PDE4D: variants seen among roughly 807,000 people sequenced by gnomAD.
The protein encoded by PDE4D is phosphodiesterase 4D, also known as 3',5'-cyclic-AMP phosphodiesterase 4D.
In PDE4D, 24 loss-of-function variants were observed where a neutral mutation model predicts 87.4. The observed-to-expected ratio is 0.27, with a 90% CI of 0.20 to 0.39. PDE4D has a LOEUF of 0.39. PDE4D is among the 10% of genes least tolerant of loss of function. The pLI is 1.00. For synonymous variants in PDE4D, 384 were observed against 383.2 expected (o/e 1.00, Z -0.02); for missense variants, 714 against 1,041.0 (o/e 0.69, Z 4.32).
intron 2 of PDE4D, among the ~76,000 whole-genome samples, chr5:60,125,077 T>G: frequency 6.6e-6 from 1 of 152,182 alleles, no homozygotes; most frequent in Non-Finnish European, 1.5e-5. Flanking sequence ...TATTTATCTA[T>G]GGTAACTCCT....
chr5:59,177,913 C>A (rs1425788146), intron 5 of PDE4D, among the ~76,000 whole-genome samples: 3 of 152,072 alleles, frequency 2.0e-5, no homozygotes, highest in Non-Finnish European at 4.4e-5. Context: ...CAACAGGGAC[C>A]CATTCATCTT....
intron 1 of PDE4D, among the ~76,000 whole-genome samples, chr5:59,362,768 A>G (rs1241641314): frequency 6.6e-6 from 1 of 152,230 alleles, no homozygotes; most frequent in Non-Finnish European, 1.5e-5. Context: ...CTTACAAATA[A>G]GCAAAAGCAG....
chr5:60,198,923 T>C (rs1741600000), intron 1 of PDE4D, among the ~76,000 whole-genome samples: 1 of 151,740 alleles, frequency 6.6e-6, no homozygotes, highest in Admixed American at 6.6e-5. Flanking sequence ...TAGTCTGCTG[T>C]TACACTGCCA....
intron 1 of PDE4D, among the ~76,000 whole-genome samples, chr5:59,478,954 G>T (rs949472393): frequency 6.6e-6 from 1 of 151,912 alleles, no homozygotes; most frequent in Non-Finnish European, 1.5e-5. Context: ...AAAATTTGAG[G>T]TTCAATGATG....
At chr5:59,220,467 C>G (rs1209025988) in intron 1 of PDE4D, among the ~76,000 whole-genome samples, 1 of 150,208 alleles carries the variant, frequency 6.7e-6, no homozygotes, top group African/African-American at 2.4e-5. Context: ...ACAAGAGGAC[C>G]CCCAAAAAGG....
intron 1 of PDE4D, among the ~76,000 whole-genome samples, chr5:59,610,595 TG>T (rs541580019): frequency 2.0e-4 from 30 of 152,298 alleles, no homozygotes; most frequent in Non-Finnish European, 4.0e-4. Flanking sequence ...CAAAGCTTAG[TG>T]GCTTACAATT....
At chr5:59,482,823 C>T (rs1007730789) in intron 1 of PDE4D, among the ~76,000 whole-genome samples, 47 of 152,224 alleles carry the variant, frequency 3.1e-4, no homozygotes, top group African/African-American at 1.1e-3. Flanking sequence ...TACTATTTTA[C>T]ATATGAATAA....
chr5:59,554,003 C>A (rs989633383), intron 1 of PDE4D, among the ~76,000 whole-genome samples: 7 of 152,094 alleles, frequency 4.6e-5, no homozygotes, highest in Non-Finnish European at 1.0e-4. Flanking sequence ...AGATGTTATA[C>A]ACATTAGCTT....
intron 5 of PDE4D, among the ~76,000 whole-genome samples, chr5:59,147,469 T>A (rs1409918826): frequency 6.6e-6 from 1 of 152,214 alleles, no homozygotes; most frequent in Non-Finnish European, 1.5e-5. Flanking sequence ...TTGAATACAT[T>A]GATAAAATTC....
chr5:59,877,826 A>G (rs1173910068), intron 1 of PDE4D, among the ~76,000 whole-genome samples: 2 of 152,026 alleles, frequency 1.3e-5, no homozygotes, highest in African/African-American at 2.4e-5. Flanking sequence ...CAAAAAAAAG[A>G]GAAAGAAAAG....
intron 1 of PDE4D, among the ~76,000 whole-genome samples, chr5:60,513,993 G>T (rs1300525126): frequency 6.6e-6 from 1 of 151,190 alleles, no homozygotes; most frequent in Non-Finnish European, 1.5e-5. Flanking sequence ...TATAAGAATA[G>T]AAATCAATGA....
chr5:60,049,687 G>C (rs1769836092), intron 2 of PDE4D, among the ~76,000 whole-genome samples: 1 of 152,202 alleles, frequency 6.6e-6, no homozygotes, highest in East Asian at 1.9e-4. Flanking sequence ...CAGGGGTCAG[G>C]GGTCAGGGAC....
intron 1 of PDE4D, among the ~76,000 whole-genome samples, chr5:60,475,823 G>GAAAAGAAAAAA (rs1748267504): frequency 1.1e-5 from 1 of 95,064 alleles, no homozygotes; most frequent in Non-Finnish European, 2.2e-5. Flanking sequence ...TCTGTTAAAT[G>GAAAAGAAAAAA]AAAAAAAAAA....
At chr5:59,100,190 C>G (rs1489071567) in intron 5 of PDE4D, among the ~76,000 whole-genome samples, 1 of 152,220 alleles carries the variant, frequency 6.6e-6, no homozygotes, top group Non-Finnish European at 1.5e-5. Context: ...ACACAGCAAG[C>G]CACATTTCTA....
chr5:59,962,050 AT>A (rs1164073318), intron 3 of PDE4D, among the ~76,000 whole-genome samples: 1 of 151,910 alleles, frequency 6.6e-6, no homozygotes, highest in African/African-American at 2.4e-5. Context: ...TTTATCCTTA[AT>A]TTTTTTAGAT....
At chr5:60,348,836 C>T (rs1256840367) in intron 1 of PDE4D, among the ~76,000 whole-genome samples, 1 of 151,818 alleles carries the variant, frequency 6.6e-6, no homozygotes, top group Non-Finnish European at 1.5e-5. Flanking sequence ...GAAAGAAATC[C>T]CATATACAAA....
intron 1 of PDE4D, chr5:59,703,559 G>A (rs780945611): frequency 1.9e-6 from 1 of 534,020 alleles, no homozygotes; most frequent in African/African-American, 1.9e-5. Context: ...GCATATTGAA[G>A]GGGGTTCTGG....
intron 1 of PDE4D, among the ~76,000 whole-genome samples, chr5:60,455,201 T>G (rs906780555): frequency 6.6e-6 from 1 of 152,148 alleles, no homozygotes; most frequent in Non-Finnish European, 1.5e-5. Context: ...AGCAAAATAC[T>G]TGGATATTGA....
chr5:60,007,244 T>G (rs1365452803), intron 2 of PDE4D, among the ~76,000 whole-genome samples: 1 of 152,006 alleles, frequency 6.6e-6, no homozygotes, highest in Non-Finnish European at 1.5e-5. Flanking sequence ...TGATTTGATT[T>G]GTTATCATGG....
Sources: allele counts gnomAD v4.1 joint callset (sites outside exome capture counted in the v4.1 genomes callset), GRCh38; gene constraint gnomAD v4.1.1; transcripts MANE v1.5; gene names NCBI Gene and HGNC (gene_info 2026-07-23, HGNC 2026-07-21).